The following NEGR1 variants were observed in gnomAD, a reference collection of about 807,000 sequenced individuals.
NEGR1 encodes the protein neuronal growth regulator 1.
Under a neutral mutation model 40.9 loss-of-function variants are expected in NEGR1, and 10 were observed. That is an observed-to-expected ratio of 0.24 (90% CI 0.15 to 0.42). The LOEUF (loss-of-function observed/expected upper bound fraction) is 0.42, where lower values mean the gene tolerates loss of function less well. Among genes scored for constraint, NEGR1 ranks in the 10% least tolerant of loss-of-function variants. NEGR1 has a pLI of 1.00. For missense variants in NEGR1, 352 were observed against 438.9 expected (o/e 0.80, Z 1.77); for synonymous variants, 185 against 166.8 (o/e 1.11, Z -0.84).
intron 4 of NEGR1, among the ~76,000 whole-genome samples, chr1:71,611,979 C>G (rs1429602222): frequency 6.6e-6 from 1 of 152,156 alleles, no homozygotes; most frequent in Non-Finnish European, 1.5e-5. Flanking sequence ...TCCCAGCAAT[C>G]TGGGAGGCCG....
At chr1:72,131,436 G>A (rs1215200872) in intron 1 of NEGR1, among the ~76,000 whole-genome samples, 2 of 152,242 alleles carry the variant, frequency 1.3e-5, no homozygotes, top group East Asian at 3.9e-4. Flanking sequence ...TTCCAGCAAA[G>A]ATGAGATTAG....
At chr1:72,192,652 T>G (rs1160530495) in intron 1 of NEGR1, among the ~76,000 whole-genome samples, 1 of 151,864 alleles carries the variant, frequency 6.6e-6, no homozygotes, top group Non-Finnish European at 1.5e-5. Flanking sequence ...GTAACTGAAA[T>G]ACTAATTAAG....
intron 1 of NEGR1, among the ~76,000 whole-genome samples, chr1:72,030,721 A>C (rs1220030406): frequency 6.6e-6 from 1 of 152,208 alleles, no homozygotes; most frequent in East Asian, 1.9e-4. Flanking sequence ...CATTAGATAA[A>C]GCAAATGTAG....
intron 1 of NEGR1, among the ~76,000 whole-genome samples, chr1:72,042,419 G>A (rs1646964486): frequency 6.6e-6 from 1 of 151,824 alleles, no homozygotes; most frequent in Admixed American, 6.6e-5. Context: ...TGCATTTCCT[G>A]CATACAAGGA....
chr1:71,463,596 T>C (rs1298154357), intron 6 of NEGR1: 1 of 152,182 alleles, frequency 6.6e-6, no homozygotes, highest in Non-Finnish European at 1.5e-5. Context: ...ACCTGAAAAT[T>C]CTGTTACTGT....
Position 71,482,328 on chromosome 1 carries a change from T to A in NEGR1, c.941-74758A>T, listed in dbSNP as rs150314186. On this transcript the variant is annotated intron_variant, in intron 6 of 6. Transcript: ENST00000357731. ...GAAACATCTAGCATGTATAGAATTT[T>A]TTTTAACATAGCAGGCAAAAAAAGC... Among the ~76,000 whole-genome samples, 862 of 151,972 alleles carry A rather than the reference T, an allele frequency of 5.7e-3. 6 individuals are homozygous for A. Among genetic ancestry groups the A allele is most frequent in the African/African-American group, 0.017 (701 of 41,534 alleles).
intron 1 of NEGR1, among the ~76,000 whole-genome samples, chr1:71,949,970 T>A (rs1187885368): frequency 6.6e-6 from 1 of 152,024 alleles, no homozygotes; most frequent in Non-Finnish European, 1.5e-5. Flanking sequence ...GTAAAATAGA[T>A]AAAGAATGGG....
intron 2 of NEGR1, among the ~76,000 whole-genome samples, chr1:71,827,210 A>G (rs1658659867): frequency 6.6e-6 from 1 of 151,756 alleles, no homozygotes; most frequent in African/African-American, 2.4e-5. Context: ...TGAAAAAAAA[A>G]GAGGGAGCAG....
chr1:71,864,903 A>C (rs1660068538), intron 2 of NEGR1, among the ~76,000 whole-genome samples: 1 of 152,150 alleles, frequency 6.6e-6, no homozygotes, highest in Non-Finnish European at 1.5e-5. Context: ...AGAAACAAAA[A>C]ACTGTCCTTT....
At chr1:71,509,725 T>C (rs72936172) in intron 6 of NEGR1, among the ~76,000 whole-genome samples, 6,125 of 152,298 alleles carry the variant, frequency 0.04, 408 homozygotes, top group African/African-American at 0.14. Flanking sequence ...ATTTAAGGCC[T>C]GAAACCAAAT....
At chr1:72,269,495 T>A (rs1655771318) in intron 1 of NEGR1, among the ~76,000 whole-genome samples, 1 of 151,610 alleles carries the variant, frequency 6.6e-6, no homozygotes. Flanking sequence ...AGGAAATGAG[T>A]CTGAGCTTTG....
rs1035586117 is a variant in NEGR1 at position 72,103,875 on chromosome 1, G to C, written c.177-168564C>G. 2.6e-5 allele frequency among the ~76,000 whole-genome samples: 4 copies of C among 152,066 alleles called. No individual in the cohort carries two copies. In the South Asian group the frequency reaches 8.3e-4, roughly 31 times the overall value. ...TCGTTCACTGTCTCTGGATCGAGTAGATTATTATAGGTCAACAAGGAATGA... is the reference window on the plus strand; with the variant it reads ...TCGTTCACTGTCTCTGGATCGAGTACATTATTATAGGTCAACAAGGAATGA... On this transcript the variant is annotated intron_variant, in intron 1 of 6. Transcript: ENST00000357731.
chr1:71,961,651 C>CT (rs1198666019), intron 1 of NEGR1, among the ~76,000 whole-genome samples: 1 of 152,074 alleles, frequency 6.6e-6, no homozygotes, highest in Admixed American at 6.6e-5. Flanking sequence ...ATCAAGAGGT[C>CT]TGTCTTCAAA....
intron 1 of NEGR1, among the ~76,000 whole-genome samples, chr1:72,246,365 C>G (rs1467990643): frequency 6.6e-6 from 1 of 152,138 alleles, no homozygotes; most frequent in East Asian, 1.9e-4. Context: ...GATTTGCCTC[C>G]TCTATGCACT....
intron 1 of NEGR1, among the ~76,000 whole-genome samples, chr1:72,255,785 G>A (rs1655254518): frequency 6.6e-6 from 1 of 152,040 alleles, no homozygotes; most frequent in Non-Finnish European, 1.5e-5. Flanking sequence ...TCCTGACCTC[G>A]TGATCCACAC....
intron 6 of NEGR1, among the ~76,000 whole-genome samples, chr1:71,462,126 T>C (rs565171394): frequency 2.0e-5 from 3 of 152,182 alleles, no homozygotes; most frequent in Non-Finnish European, 4.4e-5. Flanking sequence ...GATAATTGCA[T>C]CTAAAATTTT....
chr1:72,143,650 A>G (rs12139652), intron 1 of NEGR1, among the ~76,000 whole-genome samples: 33,880 of 150,774 alleles, frequency 0.22, 4,384 homozygotes, highest in South Asian at 0.3. Context: ...TCATGATTAA[A>G]TATCTACTTT....
At chr1:72,096,644 T>C (rs920866045) in intron 1 of NEGR1, among the ~76,000 whole-genome samples, 23 of 148,610 alleles carry the variant, frequency 1.5e-4, no homozygotes, top group East Asian at 1.2e-3. Context: ...GTTGTATCTT[T>C]TACTTTTATT....
intron 1 of NEGR1, among the ~76,000 whole-genome samples, chr1:71,983,351 A>G (rs1385025302): frequency 1.3e-5 from 2 of 152,186 alleles, no homozygotes; most frequent in Non-Finnish European, 2.9e-5. Flanking sequence ...AAATGAAATA[A>G]TGGAAAGCGC....
Sources: gnomAD v4.1 joint callset for allele counts (sites outside exome capture counted in the v4.1 genomes callset) on GRCh38, gnomAD v4.1.1 for gene constraint, MANE v1.5 for transcripts, NCBI Gene and HGNC (gene_info 2026-07-23, HGNC 2026-07-21) for gene names.